Variants in DOCK2 observed in about 807,000 individuals in gnomAD.
DOCK2 encodes dedicator of cytokinesis protein 2.
In DOCK2, 87 loss-of-function variants were observed where a neutral mutation model predicts 248.9. That is an observed-to-expected ratio of 0.35 (90% CI 0.29 to 0.42). DOCK2 has a LOEUF of 0.42. Ranked by LOEUF, DOCK2 falls within the 10% of genes least tolerant of loss-of-function variation. The pLI is 1.00. For missense variants in DOCK2, 1,747 were observed against 2,300.2 expected (o/e 0.76, Z 4.92); for synonymous variants, 805 against 821.6 (o/e 0.98, Z 0.35).
chr5:169,769,539 G>A (rs1764971202), intron 25 of DOCK2, among the ~76,000 whole-genome samples: 1 of 152,228 alleles, frequency 6.6e-6, no homozygotes, highest in African/African-American at 2.4e-5. Flanking sequence ...ATATTACCCT[G>A]ATTCCCAAAG....
rs1771385415 is a variant in DOCK2 at position 169,864,163 on chromosome 5, C to T, written c.2799+23311C>T. On this transcript the variant is annotated intron_variant, in intron 27 of 51. Transcript: ENST00000520908. Reference sequence around the variant, plus strand: ...CTCTTCTGTTTCACAGGCCAAGGGGCTCACAGCCCAGGGCCTTTGCAAAGA... The same window carrying T: ...CTCTTCTGTTTCACAGGCCAAGGGGTTCACAGCCCAGGGCCTTTGCAAAGA... The T allele has an allele frequency of 3.1e-6, 3 of 980,618 alleles. No homozygotes were observed. In the Admixed American group the frequency reaches 6.6e-5, roughly 21 times the overall value. The allele number at this position is 980,618 out of a possible 1,614,324, so 60.7% of individuals were successfully genotyped here. A position where few individuals can be genotyped will look rare whatever the true frequency, so the allele number is the denominator to read the frequency against.
At chr5:169,707,635 C>T (rs1016011065) in intron 14 of DOCK2, among the ~76,000 whole-genome samples, 3 of 152,170 alleles carry the variant, frequency 2.0e-5, no homozygotes, top group African/African-American at 7.2e-5. Flanking sequence ...AACTGAGCCT[C>T]CTCCCCGGAA....
chr5:170,021,633 C>A (rs1170859650), intron 33 of DOCK2, among the ~76,000 whole-genome samples: 1 of 152,162 alleles, frequency 6.6e-6, no homozygotes, highest in Non-Finnish European at 1.5e-5. Flanking sequence ...AGTGTGCATT[C>A]ATTCTGAGCA....
chr5:170,076,089 G>T lies in DOCK2; in HGVS notation c.4866+5G>T. 6.2e-7 allele frequency: 1 copy of T among 1,613,928 alleles called. No individual in the cohort carries two copies. The highest frequency in any genetic ancestry group is 8.5e-7 in the Non-Finnish European group (1 of 1,179,860). On this transcript the variant is annotated splice_donor_5th_base_variant and intron_variant, in intron 47 of 51. Coordinates refer to ENST00000520908, the MANE Select transcript of DOCK2 (RefSeq NM_004946.3). ...GAGTACGGTGTCCGAGAGATGGTAT[G>T]GGTGGTTCCTATGGCTTGGAGGGGT...
rs371416233 is a variant in DOCK2 at position 170,035,464 on chromosome 5, G to A, written c.3624+909G>A. Among the ~76,000 whole-genome samples the A allele has an allele frequency of 5.3e-5, 8 of 152,108 alleles. No individual in the cohort carries two copies. The East Asian group carries it at 5.8e-4, about 11-fold the overall frequency. ...ATGCCAAGGAGAGTTTAAAAATCCC[G>A]ATGACAGCAGAAAGGAATTCATTGC... On this transcript the variant is annotated intron_variant, in intron 35 of 51. Transcript: ENST00000520908.
rs1189367288 is a variant in DOCK2 at position 170,080,170 on chromosome 5, G to A, written c.5174G>A (p.Arg1725Lys). 1.2e-6 allele frequency: 2 copies of A among 1,614,038 alleles called. No homozygotes were observed. Among genetic ancestry groups the A allele is most frequent in the Non-Finnish European group, 8.5e-7 (1 of 1,179,972 alleles). Residue 1725 changes from arginine (R) to lysine (K), a missense_variant, in exon 50 of 52, where the codon AGG becomes AAG. Physicochemically the swap from Arg to Lys is conservative, Grantham distance 26 (BLOSUM62 2). Coordinates refer to ENST00000520908, the MANE Select transcript of DOCK2 (RefSeq NM_004946.3). ...TCTGGTGTATTCCTCCAGCTTTCCAGGAAGCATGAGTTCATGAGTGACACC... is the reference window on the plus strand; with the variant it reads ...TCTGGTGTATTCCTCCAGCTTTCCAAGAAGCATGAGTTCATGAGTGACACC... The part of the protein sequence containing the change: ...AAESDLKRLS[R>K]KHEFMSDTNL...
chr5:169,642,297 T>C (rs1757195061), intron 1 of DOCK2, among the ~76,000 whole-genome samples: 1 of 152,270 alleles, frequency 6.6e-6, no homozygotes, highest in South Asian at 2.1e-4. Context: ...TCACTGAGAT[T>C]ACTAGAATTA....
intron 44 of DOCK2, among the ~76,000 whole-genome samples, chr5:170,060,622 T>C (rs1377777700): frequency 6.6e-6 from 1 of 152,218 alleles, no homozygotes; most frequent in Non-Finnish European, 1.5e-5. Flanking sequence ...GGACTTGAAC[T>C]GCCAAAGCAA....
chr5:169,660,948 G>A (rs1265138927), intron 2 of DOCK2, among the ~76,000 whole-genome samples: 1 of 149,102 alleles, frequency 6.7e-6, no homozygotes. Context: ...TGTTGTGATG[G>A]AAATATGTTG....
chr5:170,074,003 T>C lies in DOCK2; in HGVS notation c.4729-1944T>C, dbSNP rs146543176. On this transcript the variant is annotated intron_variant, in intron 46 of 51. Transcript: ENST00000520908. ...CCTTTGAATTTAGTTCGCTGTTCTTTTACTAATATCTTGAGATGGATGCTT... is the reference window on the plus strand; with the variant it reads ...CCTTTGAATTTAGTTCGCTGTTCTTCTACTAATATCTTGAGATGGATGCTT... Among the ~76,000 whole-genome samples the C allele has an allele frequency of 1.2e-4, 19 of 152,278 alleles. No individual in the cohort carries two copies. The East Asian group carries it at 3.7e-3, about 29-fold the overall frequency.
rs531129642 is a variant in DOCK2 at position 170,078,759 on chromosome 5, C to T, written c.4995-216C>T. On this transcript the variant is annotated intron_variant, in intron 48 of 51. Coordinates refer to ENST00000520908, the MANE Select transcript of DOCK2 (RefSeq NM_004946.3). ...CACTTCTTTCAATTTCATTTTACCACGAATAAAATAAAGTGAACTTTACTC... is the reference window on the plus strand; with the variant it reads ...CACTTCTTTCAATTTCATTTTACCATGAATAAAATAAAGTGAACTTTACTC... 5.9e-5 allele frequency among the ~76,000 whole-genome samples: 9 copies of T among 152,326 alleles called. No individual in the cohort carries two copies. The East Asian group carries it at 7.7e-4, about 13-fold the overall frequency.
intron 40 of DOCK2, among the ~76,000 whole-genome samples, chr5:170,049,425 T>G (rs1036715455): frequency 3.9e-5 from 6 of 152,198 alleles, no homozygotes; most frequent in African/African-American, 1.2e-4. Context: ...GAATCTGAAT[T>G]TTTAAAAGTG....
rs1760885256 is a variant in DOCK2 at position 169,700,240 on chromosome 5, T to G, written c.1258+101T>G. The G allele has an allele frequency of 2.0e-6, 3 of 1,476,722 alleles. No individual in the cohort carries two copies. The East Asian group carries it at 7.1e-5, about 35-fold the overall frequency. The allele number at this position is 1,476,722 out of a possible 1,614,324, so 91.5% of individuals were successfully genotyped here. A position where few individuals can be genotyped will look rare whatever the true frequency, so the allele number is the denominator to read the frequency against. The stretch of plus-strand genomic sequence containing the variant: ...AAGAGTCAACTCCTTCCTTTTTTAC[T>G]GCCTCTCTCCATTTCTGTCCCTGAA... On this transcript the variant is annotated intron_variant, in intron 13 of 51. Coordinates refer to ENST00000520908, the MANE Select transcript of DOCK2 (RefSeq NM_004946.3).
chr5:170,071,859 T>C (rs1373761116), intron 46 of DOCK2, among the ~76,000 whole-genome samples: 1 of 152,238 alleles, frequency 6.6e-6, no homozygotes, highest in Admixed American at 6.5e-5. Flanking sequence ...CAGAATCACA[T>C]AATATACAGT....
At chr5:169,772,389 C>T (rs2113773977) in intron 25 of DOCK2, among the ~76,000 whole-genome samples, 1 of 152,268 alleles carries the variant, frequency 6.6e-6, no homozygotes, top group African/African-American at 2.4e-5. Context: ...CCTGTAGTTT[C>T]TTTTTGTATT....
intron 27 of DOCK2, among the ~76,000 whole-genome samples, chr5:169,962,894 C>T (rs1341778526): frequency 6.6e-6 from 1 of 152,122 alleles, no homozygotes; most frequent in East Asian, 1.9e-4. Flanking sequence ...AGCCTTAGCT[C>T]CCCTGTCCCT....
chr5:169,855,286 C>A (rs1202341189), intron 27 of DOCK2, among the ~76,000 whole-genome samples: 2 of 152,332 alleles, frequency 1.3e-5, no homozygotes, highest in East Asian at 3.9e-4. Flanking sequence ...CTCTCCTTTT[C>A]TTTCCTCTAA....
At chr5:169,681,602 G>C in intron 6 of DOCK2, 142 bp from the exon 7 acceptor site, 1 of 972,122 alleles carries the variant, frequency 1.0e-6, no homozygotes, top group Non-Finnish European at 1.5e-6. Flanking sequence ...CTCACTAGCA[G>C]TGTCCCAGGC....
Position 170,050,134 on chromosome 5 carries a change from A to G in DOCK2, c.4072-122A>G. 3 of 1,287,648 alleles carry G rather than the reference A, an allele frequency of 2.3e-6. No individual in the cohort carries two copies. In the East Asian group the frequency reaches 7.0e-5, roughly 30 times the overall value. 79.8% of individuals were successfully genotyped at this position (1,287,648 alleles called of 1,614,324 possible). ...TTCCTTTCCCTGTGGGGAAACCAAG[A>G]GGAGAGTGATGCACTGGACATCCCC... On this transcript the variant is annotated intron_variant, in intron 40 of 51. Coordinates refer to ENST00000520908, the MANE Select transcript of DOCK2 (RefSeq NM_004946.3).
Sources: gnomAD v4.1 joint callset for allele counts (sites outside exome capture counted in the v4.1 genomes callset) on GRCh38, gnomAD v4.1.1 for gene constraint, MANE v1.5 for transcripts, NCBI Gene and HGNC (gene_info 2026-07-23, HGNC 2026-07-21) for gene names.